CENPQ: variants seen among roughly 807,000 people sequenced by gnomAD.
CENPQ encodes centromere protein Q.
Under a neutral mutation model 36.6 loss-of-function variants are expected in CENPQ, and 27 were observed. The observed-to-expected ratio is 0.74, with a 90% CI of 0.54 to 1.02. The LOEUF (loss-of-function observed/expected upper bound fraction) is 1.02. CENPQ is among the 50% of genes least tolerant of loss of function. The probability of loss-of-function intolerance (pLI) is 0.00; values close to 1 mark genes in which losing one functional copy is unlikely to be tolerated. For missense variants in CENPQ, 306 were observed against 301.8 expected (o/e 1.01, Z -0.10); for synonymous variants, 101 against 101.7 (o/e 0.99, Z 0.04).
chr6:49,470,302 A>T, intron 2 of CENPQ, 24 bp downstream of exon 2: 12 of 1,465,648 alleles, frequency 8.2e-6, no homozygotes, highest in Non-Finnish European at 1.1e-5. Flanking sequence ...CAAGTTTCTC[A>T]TTTAGAAATC....
intron 1 of CENPQ, among the ~76,000 whole-genome samples, chr6:49,466,849 A>G (rs1768011920): frequency 6.6e-6 from 1 of 152,214 alleles, no homozygotes; most frequent in Non-Finnish European, 1.5e-5. Flanking sequence ...GCCCAAAGAT[A>G]TACAGTTAAT....
At chr6:49,480,051 CACA>C (rs1768391716) in intron 5 of CENPQ, among the ~76,000 whole-genome samples, 3 of 152,252 alleles carry the variant, frequency 2.0e-5, no homozygotes, top group South Asian at 4.1e-4. Context: ...ACCAAAGCCC[CACA>C]ACATTTGCCT....
intron 5 of CENPQ, among the ~76,000 whole-genome samples, chr6:49,477,634 T>G (rs1768329440): frequency 6.6e-6 from 1 of 152,118 alleles, no homozygotes; most frequent in African/African-American, 2.4e-5. Flanking sequence ...TGTGACCTAT[T>G]TTAAGGAATT....
chr6:49,475,394 A>G lies in CENPQ; in HGVS notation c.347+2536A>G, dbSNP rs1016741198. On this transcript the variant is annotated intron_variant, in intron 5 of 8. Coordinates refer to ENST00000335783, the MANE Select transcript of CENPQ (RefSeq NM_018132.4). ...AACAACCCTTCATGCTAAAAACTCT[A>G]AATAAATTAGGTATTGAGGGGATGT... is the stretch of plus-strand genomic sequence containing the variant. 3.3e-5 allele frequency among the ~76,000 whole-genome samples: 5 copies of G among 152,290 alleles called. No individual in the cohort carries two copies. The East Asian group carries it at 9.7e-4, about 29-fold the overall frequency.
chr6:49,474,452 A>G lies in CENPQ; in HGVS notation c.347+1594A>G, dbSNP rs1485582785. On this transcript the variant is annotated intron_variant, in intron 5 of 8. Transcript: ENST00000335783. Reference sequence around the variant, plus strand: ...TAACGAAATGAAGGCAGAAATAAAGATGTTCTTTGAAACCAACGAGAACAA... The same window carrying G: ...TAACGAAATGAAGGCAGAAATAAAGGTGTTCTTTGAAACCAACGAGAACAA... Among the ~76,000 whole-genome samples, 4 of 152,336 alleles carry G rather than the reference A, an allele frequency of 2.6e-5. No individual in the cohort carries two copies. The East Asian group carries it at 7.7e-4, about 29-fold the overall frequency.
chr6:49,483,766 G>A (rs772186762), intron 6 of CENPQ, among the ~76,000 whole-genome samples: 24 of 152,318 alleles, frequency 1.6e-4, no homozygotes, highest in African/African-American at 2.9e-4. Flanking sequence ...TGCAAGCACC[G>A]GGCGCAGCCC....
intron 5 of CENPQ, among the ~76,000 whole-genome samples, chr6:49,478,312 A>T (rs945295421): frequency 4.6e-5 from 7 of 152,196 alleles, no homozygotes; most frequent in African/African-American, 1.2e-4. Flanking sequence ...AGCATGTAAG[A>T]AGCCCTGCAG....
Position 49,489,921 on chromosome 6 carries a change from TTTG to T in CENPQ, c.675+1243_675+1245del, listed in dbSNP as rs1159767921. On this transcript the variant is annotated intron_variant, in intron 8 of 8. Coordinates refer to ENST00000335783, the MANE Select transcript of CENPQ (RefSeq NM_018132.4). ...TAAACAGTTGTACTGTCATCCAGGCTTTGTTGTTCCATTTACAGAGCACAGACA... is the reference window on the plus strand; with the variant it reads ...TAAACAGTTGTACTGTCATCCAGGCTTTGTTCCATTTACAGAGCACAGACA... Among the ~76,000 whole-genome samples, 7 of 152,334 alleles carry T rather than the reference TTTG, an allele frequency of 4.6e-5. No homozygotes were observed. The East Asian group carries it at 1.3e-3, about 29-fold the overall frequency.
intron 1 of CENPQ, among the ~76,000 whole-genome samples, chr6:49,467,242 A>G (rs1768025040): frequency 6.6e-6 from 1 of 152,202 alleles, no homozygotes; most frequent in Non-Finnish European, 1.5e-5. Context: ...ATCAGTCATA[A>G]CTGATACTTT....
intron 6 of CENPQ, among the ~76,000 whole-genome samples, chr6:49,487,472 A>G (rs1768619044): frequency 6.6e-6 from 1 of 151,092 alleles, no homozygotes; most frequent in Non-Finnish European, 1.5e-5. Context: ...AAAAAAAGTC[A>G]TTTAGAAGCC....
At chr6:49,463,710 A>G (rs1188441464) in intron 1 of CENPQ, among the ~76,000 whole-genome samples, 5 of 152,226 alleles carry the variant, frequency 3.3e-5, no homozygotes, top group Admixed American at 3.3e-4. Flanking sequence ...CCTCATTGCT[A>G]AATTTCTCCC....
At chr6:49,490,410 G>T (rs1247318867) in intron 8 of CENPQ, among the ~76,000 whole-genome samples, 1 of 152,174 alleles carries the variant, frequency 6.6e-6, no homozygotes, top group East Asian at 1.9e-4. Flanking sequence ...TTAGGGCCTT[G>T]CTGTGGATTA....
intron 1 of CENPQ, among the ~76,000 whole-genome samples, chr6:49,468,880 A>G (rs187478861): frequency 2.3e-4 from 35 of 151,650 alleles, no homozygotes; most frequent in Admixed American, 2.2e-3. Context: ...CAGCCCTTCC[A>G]GGAGAGATCT....
At chr6:49,469,717 T>C (rs1000757197) in intron 1 of CENPQ, among the ~76,000 whole-genome samples, 2 of 152,172 alleles carry the variant, frequency 1.3e-5, no homozygotes, top group Non-Finnish European at 2.9e-5. Flanking sequence ...TGGCAAAAAT[T>C]GGGTAATGGT....
intron 3 of CENPQ, among the ~76,000 whole-genome samples, chr6:49,471,637 A>C (rs977327146): frequency 2.0e-5 from 3 of 151,944 alleles, no homozygotes; most frequent in African/African-American, 7.3e-5. Flanking sequence ...TTTAATACCT[A>C]ATAAGTAGAA....
At position 49,475,683 on chromosome 6, in the gene CENPQ, T is replaced by A. The variant is rs551707119; in HGVS notation, c.347+2825T>A. Among the ~76,000 whole-genome samples the A allele has an allele frequency of 3.9e-5, 6 of 152,272 alleles. No individual in the cohort carries two copies. The East Asian group carries it at 9.6e-4, about 24-fold the overall frequency. On this transcript the variant is annotated intron_variant, in intron 5 of 8. Transcript: ENST00000335783. ...TGTATATCTAGAAAACCCCATTGTC[T>A]CAGCCCAAAATCTCCTTAAGCTGAT...
intron 5 of CENPQ, among the ~76,000 whole-genome samples, chr6:49,477,501 C>T (rs951544917): frequency 1.3e-5 from 2 of 150,600 alleles, no homozygotes; most frequent in African/African-American, 4.9e-5. Flanking sequence ...CACCACATGG[C>T]ACATGTATAC....
At chr6:49,474,342 T>C (rs1014966075) in intron 5 of CENPQ, among the ~76,000 whole-genome samples, 3 of 151,964 alleles carry the variant, frequency 2.0e-5, no homozygotes, top group African/African-American at 7.3e-5. Context: ...GCAATCAAAC[T>C]AGAACTCAGG....
At chr6:49,489,975 A>G (rs1031329220) in intron 8 of CENPQ, among the ~76,000 whole-genome samples, 2 of 152,218 alleles carry the variant, frequency 1.3e-5, no homozygotes, top group Non-Finnish European at 2.9e-5. Flanking sequence ...ATTTAGTAGA[A>G]TTAAGGACCC....
Sources: gnomAD v4.1 joint callset for allele counts (sites outside exome capture counted in the v4.1 genomes callset) on GRCh38, gnomAD v4.1.1 for gene constraint, MANE v1.5 for transcripts, NCBI Gene and HGNC (gene_info 2026-07-23, HGNC 2026-07-21) for gene names.